Variants in LRP1B observed in about 807,000 individuals in gnomAD.
LRP1B encodes low-density lipoprotein receptor-related protein 1B.
In LRP1B, 217 loss-of-function variants were observed where a neutral mutation model predicts 556.6. The observed-to-expected ratio is 0.39, with a 90% CI of 0.35 to 0.44. LRP1B has a LOEUF of 0.44. LRP1B is among the 20% of genes least tolerant of loss of function. LRP1B has a pLI of 1.00. For missense variants in LRP1B, 5,053 were observed against 5,620.8 expected, an observed-to-expected ratio of 0.90 and a Z score of 3.23; for synonymous variants, 2,047 against 1,865.8, an observed-to-expected ratio of 1.10 and a Z score of -2.50.
intron 7 of LRP1B, among the ~76,000 whole-genome samples, chr2:141,173,900 T>C (rs541541471): frequency 6.6e-6 from 1 of 152,070 alleles, no homozygotes; most frequent in Non-Finnish European, 1.5e-5. Flanking sequence ...CATGTTAGTG[T>C]CCAAAGTATT....
chr2:141,020,946 G>A (rs942825366), intron 11 of LRP1B, among the ~76,000 whole-genome samples: 4 of 151,952 alleles, frequency 2.6e-5, no homozygotes, highest in Admixed American at 1.3e-4. Context: ...GGTTCCTAGG[G>A]TGAGTTTCTG....
At chr2:140,716,536 G>T in intron 36 of LRP1B, 146 bp downstream of exon 36, 1 of 737,448 alleles carries the variant, frequency 1.4e-6, no homozygotes, top group Non-Finnish European at 2.0e-6. Context: ...AAGGAGCGAA[G>T]CCAAAAGCAA....
At chr2:142,014,745 T>A (rs1703066896) in intron 1 of LRP1B, among the ~76,000 whole-genome samples, 1 of 152,096 alleles carries the variant, frequency 6.6e-6, no homozygotes, top group Non-Finnish European at 1.5e-5. Flanking sequence ...ATAGTTACAT[T>A]GCAAGTGCCA....
At chr2:140,398,921 G>C (rs934140461) in intron 66 of LRP1B, among the ~76,000 whole-genome samples, 1 of 151,992 alleles carries the variant, frequency 6.6e-6, no homozygotes, top group African/African-American at 2.4e-5. Flanking sequence ...ATTAGGGTCA[G>C]AATTACATTT....
At chr2:142,115,562 G>A (rs866558999) in intron 1 of LRP1B, among the ~76,000 whole-genome samples, 1,955 of 41,382 alleles carry the variant, frequency 0.047, 452 homozygotes, top group Non-Finnish European at 0.059. Flanking sequence ...TATTATATAT[G>A]TAATATATAT....
At chr2:140,377,503 A>AAT (rs1414453659) in intron 68 of LRP1B, among the ~76,000 whole-genome samples, 1 of 152,188 alleles carries the variant, frequency 6.6e-6, no homozygotes, top group Non-Finnish European at 1.5e-5. Context: ...GATTGAGAAA[A>AAT]ATATATATAA....
At chr2:140,992,402 T>C (rs567421270) in intron 16 of LRP1B, 33 of 152,102 alleles carry the variant, frequency 2.2e-4, no homozygotes, top group Non-Finnish European at 4.6e-4. Context: ...TGCTAGAAGA[T>C]ACAAGTCACA....
intron 2 of LRP1B, among the ~76,000 whole-genome samples, chr2:141,738,974 A>G (rs866795110): frequency 6.6e-5 from 10 of 152,152 alleles, no homozygotes; most frequent in African/African-American, 2.4e-4. Flanking sequence ...CCACACAGAC[A>G]CATTGCAAAA....
intron 1 of LRP1B, among the ~76,000 whole-genome samples, chr2:141,984,191 G>C (rs1451045933): frequency 6.6e-6 from 1 of 152,090 alleles, no homozygotes; most frequent in East Asian, 1.9e-4. Context: ...TAAGTTTTAG[G>C]GTACATGTGC....
At chr2:141,087,254 C>T (rs148242409) in intron 7 of LRP1B, among the ~76,000 whole-genome samples, 182 of 152,180 alleles carry the variant, frequency 1.2e-3, no homozygotes, top group African/African-American at 4.0e-3. Context: ...ATTTGTGGTC[C>T]GTCTTGTGCT....
intron 27 of LRP1B, among the ~76,000 whole-genome samples, chr2:140,866,736 C>A (rs1262074388): frequency 6.6e-6 from 1 of 151,956 alleles, no homozygotes; most frequent in Non-Finnish European, 1.5e-5. Flanking sequence ...CAAAGGAGAG[C>A]CATGTGATAT....
chr2:142,091,428 G>C (rs1340764095), intron 1 of LRP1B, among the ~76,000 whole-genome samples: 2 of 151,982 alleles, frequency 1.3e-5, no homozygotes, highest in Non-Finnish European at 2.9e-5. Context: ...GTAACTAAGG[G>C]CTGAAAATTA....
chr2:141,757,425 G>A (rs982593306), intron 2 of LRP1B, among the ~76,000 whole-genome samples: 2 of 152,130 alleles, frequency 1.3e-5, no homozygotes, highest in Non-Finnish European at 1.5e-5. Flanking sequence ...AAGATCCTTA[G>A]AAGAATTATA....
At chr2:140,592,380 G>C (rs1424626956) in intron 43 of LRP1B, among the ~76,000 whole-genome samples, 2 of 151,928 alleles carry the variant, frequency 1.3e-5, no homozygotes, top group Non-Finnish European at 2.9e-5. Flanking sequence ...GTTAATGGTG[G>C]AAAGGTTTTC....
chr2:141,758,845 A>G (rs1467251853), intron 2 of LRP1B, among the ~76,000 whole-genome samples: 3 of 152,114 alleles, frequency 2.0e-5, no homozygotes, highest in Admixed American at 6.5e-5. Flanking sequence ...AGTACTAAAT[A>G]CTCCTTAGTT....
intron 37 of LRP1B, among the ~76,000 whole-genome samples, chr2:140,706,402 G>A (rs931223359): frequency 6.6e-6 from 1 of 152,094 alleles, no homozygotes. Flanking sequence ...ATGCTATATT[G>A]TGTAACTGAA....
At chr2:140,295,805 T>TAGAA (rs10622269) in intron 84 of LRP1B, among the ~76,000 whole-genome samples, 145,466 of 152,068 alleles carry the variant, frequency 0.96, 69,919 homozygotes, top group Middle Eastern at 1. Flanking sequence ...GTGACTGTGA[T>TAGAA]AGCAATTTTA....
At chr2:140,285,578 G>A (rs1157852174) in intron 84 of LRP1B, among the ~76,000 whole-genome samples, 1 of 151,458 alleles carries the variant, frequency 6.6e-6, no homozygotes, top group Non-Finnish European at 1.5e-5. Context: ...CATTTCTTTA[G>A]GTCAGATATG....
At chr2:141,228,886 G>A (rs542574825) in intron 6 of LRP1B, among the ~76,000 whole-genome samples, 13 of 151,722 alleles carry the variant, frequency 8.6e-5, no homozygotes, top group African/African-American at 3.1e-4. Context: ...ATCACATTGT[G>A]AATTACCACT....
Sources: gnomAD v4.1 joint callset for allele counts (sites outside exome capture counted in the v4.1 genomes callset) on GRCh38, gnomAD v4.1.1 for gene constraint, MANE v1.5 for transcripts, NCBI Gene and HGNC (gene_info 2026-07-23, HGNC 2026-07-21) for gene names.